WIPF2: variants seen among roughly 807,000 people sequenced by gnomAD.
The protein encoded by WIPF2 is WAS/WASL-interacting protein family member 2.
WIPF2 carries 23 observed loss-of-function variants against 38.8 expected under a neutral mutation model. That is an observed-to-expected ratio of 0.59 (90% CI 0.43 to 0.84). The LOEUF (loss-of-function observed/expected upper bound fraction) is 0.84, where lower values mean the gene tolerates loss of function less well. WIPF2 is among the 40% of genes least tolerant of loss of function. The pLI is 0.00. For synonymous variants in WIPF2, 210 were observed against 223.2 expected (o/e 0.94, Z 0.53); for missense variants, 574 against 580.5 (o/e 0.99, Z 0.11).
intron 5 of WIPF2, among the ~76,000 whole-genome samples, chr17:40,267,991 T>C (rs1234814667): frequency 6.6e-6 from 1 of 151,930 alleles, no homozygotes; most frequent in Non-Finnish European, 1.5e-5. Context: ...AAAAATAATT[T>C]TAAAAAATTA....
At chr17:40,256,583 A>G (rs746941108) in intron 2 of WIPF2, 61 bp downstream of exon 2, 83 of 1,521,990 alleles carry the variant, frequency 5.5e-5, no homozygotes, top group Non-Finnish European at 6.9e-5. Context: ...GATGGTCCTC[A>G]CATACTTTTT....
At chr17:40,220,387 ATTCTTTT>A (rs2030125778) in intron 1 of WIPF2, 1 of 151,132 alleles carries the variant, frequency 6.6e-6, no homozygotes, top group African/African-American at 2.4e-5. Context: ...ATGTGATGGA[ATTCTTTT>A]TTCTTTTTTT....
intron 1 of WIPF2, among the ~76,000 whole-genome samples, chr17:40,223,190 C>G (rs1598461561): frequency 2.6e-5 from 4 of 152,096 alleles, no homozygotes; most frequent in Admixed American, 6.5e-5. Context: ...ATTGCCCAGG[C>G]TGGAGTGCAA....
intron 1 of WIPF2, among the ~76,000 whole-genome samples, chr17:40,226,328 C>T (rs1027267518): frequency 5.3e-5 from 8 of 151,528 alleles, no homozygotes; most frequent in Non-Finnish European, 1.0e-4. Context: ...CTCAGCCTCC[C>T]GAGTAGCTGG....
intron 1 of WIPF2, among the ~76,000 whole-genome samples, chr17:40,239,548 T>C (rs1340008768): frequency 6.6e-6 from 1 of 152,002 alleles, no homozygotes; most frequent in African/African-American, 2.4e-5. Context: ...GCTGCCAATG[T>C]TTTTGGAGCC....
intron 1 of WIPF2, among the ~76,000 whole-genome samples, chr17:40,246,396 A>ATTTT (rs746176753): frequency 2.2e-5 from 2 of 90,692 alleles, no homozygotes; most frequent in Non-Finnish European, 4.5e-5. Context: ...TGTGCTGCTC[A>ATTTT]TTTTTTTTTT....
intron 1 of WIPF2, among the ~76,000 whole-genome samples, chr17:40,250,219 G>T (rs182463750): frequency 0.034 from 2,099 of 62,136 alleles, 36 homozygotes; most frequent in Middle Eastern, 0.11. Flanking sequence ...ATTTTATCAT[G>T]TTTTTTTTTT....
chr17:40,254,669 T>C (rs1718462984), intron 1 of WIPF2, among the ~76,000 whole-genome samples: 1 of 152,188 alleles, frequency 6.6e-6, no homozygotes, highest in South Asian at 2.1e-4. Flanking sequence ...GTTGGTAAAC[T>C]GTGGCCCATA....
chr17:40,222,443 G>T (rs1198806475), intron 1 of WIPF2, among the ~76,000 whole-genome samples: 1 of 150,904 alleles, frequency 6.6e-6, no homozygotes, highest in African/African-American at 2.4e-5. Context: ...GATCACCTGA[G>T]ATTGCAGTGA....
intron 5 of WIPF2, among the ~76,000 whole-genome samples, chr17:40,270,409 G>T (rs1477656114): frequency 2.0e-5 from 3 of 151,318 alleles, no homozygotes; most frequent in African/African-American, 7.3e-5. Context: ...CTGACAAAGA[G>T]CCCAGAAGCT....
rs2032470746 is a variant in WIPF2, at chr17:40,278,319, C to G, written c.*94C>G. 6.9e-7 allele frequency: 1 copy of G among 1,448,058 alleles called. No individual in the cohort carries two copies. Among genetic ancestry groups the G allele is most frequent in the Admixed American group, 2.0e-5 (1 of 50,770 alleles). The allele number at this position is 1,448,058 out of a possible 1,614,324, so 89.7% of individuals were successfully genotyped here. On this transcript the variant is annotated 3_prime_UTR_variant, in exon 8 of 8. Coordinates refer to ENST00000323571, the MANE Select transcript of WIPF2 (RefSeq NM_133264.5). ...TCCCCTGAAACCTGCATGAGAGCTCCTAACATGTTTCTCCAATGCAATCAA... is the reference window on the plus strand; with the variant it reads ...TCCCCTGAAACCTGCATGAGAGCTCGTAACATGTTTCTCCAATGCAATCAA...
intron 1 of WIPF2, among the ~76,000 whole-genome samples, chr17:40,222,347 T>G: frequency 1.3e-5 from 2 of 151,184 alleles, no homozygotes; most frequent in East Asian, 4.1e-4. Context: ...CCACCGCGCC[T>G]GGCCGACCTG....
At chr17:40,227,981 A>G (rs1465489395) in intron 1 of WIPF2, among the ~76,000 whole-genome samples, 4 of 126,946 alleles carry the variant, frequency 3.2e-5, no homozygotes, top group Non-Finnish European at 5.1e-5. Flanking sequence ...TACTATCTGT[A>G]TCTTTTGCTT....
At chr17:40,258,552 C>T (rs1446226205) in intron 2 of WIPF2, among the ~76,000 whole-genome samples, 1 of 152,042 alleles carries the variant, frequency 6.6e-6, no homozygotes, top group Non-Finnish European at 1.5e-5. Context: ...GATCGCGCCA[C>T]TGCACTCCAG....
chr17:40,233,430 A>AT (rs994471974), intron 1 of WIPF2, among the ~76,000 whole-genome samples: 95 of 150,784 alleles, frequency 6.3e-4, no homozygotes, highest in Non-Finnish European at 1.2e-3. Context: ...CACTTTTGCA[A>AT]TTTTTTTTCC....
At chr17:40,232,784 A>G (rs1366516065) in intron 1 of WIPF2, among the ~76,000 whole-genome samples, 1 of 150,770 alleles carries the variant, frequency 6.6e-6, no homozygotes, top group Non-Finnish European at 1.5e-5. Context: ...AATTACAGGC[A>G]TGCGCCACCA....
At chr17:40,248,163 CTTTTTTTTT>C (rs60359132) in intron 1 of WIPF2, among the ~76,000 whole-genome samples, 2 of 47,596 alleles carry the variant, frequency 4.2e-5, no homozygotes, top group East Asian at 5.4e-4. Flanking sequence ...AAAGTTATTT[CTTTTTTTTT>C]TTTTTTTTTT....
At chr17:40,257,196 C>G (rs987468602) in intron 2 of WIPF2, among the ~76,000 whole-genome samples, 1 of 152,060 alleles carries the variant, frequency 6.6e-6, no homozygotes, top group African/African-American at 2.4e-5. Context: ...CCAGGCTGGT[C>G]TTGAACTCCT....
intron 5 of WIPF2, among the ~76,000 whole-genome samples, chr17:40,273,180 C>T (rs1407478161): frequency 6.6e-6 from 1 of 152,072 alleles, no homozygotes; most frequent in Non-Finnish European, 1.5e-5. Context: ...ACTACAGGCA[C>T]ACGCCACCAC....
Sources: allele counts gnomAD v4.1 joint callset (sites outside exome capture counted in the v4.1 genomes callset), GRCh38; gene constraint gnomAD v4.1.1; transcripts MANE v1.5; gene names NCBI Gene and HGNC (gene_info 2026-07-23, HGNC 2026-07-21).